PPP1R9A: variants seen among roughly 807,000 people sequenced by gnomAD.
PPP1R9A encodes the protein protein phosphatase 1 regulatory subunit 9A, also known as neurabin-1.
Under a neutral mutation model 141.9 loss-of-function variants are expected in PPP1R9A, and 59 were observed. The ratio of observed to expected loss-of-function variants is 0.42; its 90% CI spans 0.34 to 0.52. The LOEUF is 0.52. PPP1R9A is among the 20% of genes least tolerant of loss of function. PPP1R9A has a pLI of 0.10. For synonymous variants in PPP1R9A, 500 were observed against 569.7 expected, an observed-to-expected ratio of 0.88 and a Z score of 1.74; for missense variants, 1,444 against 1,611.9, an observed-to-expected ratio of 0.90 and a Z score of 1.78.
At chr7:95,215,920 G>A (rs1185350766) in intron 7 of PPP1R9A, among the ~76,000 whole-genome samples, 1 of 152,116 alleles carries the variant, frequency 6.6e-6, no homozygotes, top group Non-Finnish European at 1.5e-5. Flanking sequence ...CATTCTGTAG[G>A]TTGCCTGTTC....
rs1021289735 is a variant in PPP1R9A, at chr7:95,292,065, C to G, written c.*1762C>G. 9 of 152,150 alleles carry G rather than the reference C, an allele frequency of 5.9e-5. No individual in the cohort carries two copies. Among genetic ancestry groups the G allele is most frequent in the African/African-American group, 2.2e-4 (9 of 41,442 alleles). The allele number at this position is 152,150 out of a possible 1,614,324, so 9.4% of individuals were successfully genotyped here. A position where few individuals can be genotyped will look rare whatever the true frequency, so the allele number is the denominator to read the frequency against. On this transcript the variant is annotated 3_prime_UTR_variant, in exon 20 of 20. Coordinates refer to ENST00000433360, the MANE Select transcript of PPP1R9A (RefSeq NM_001166160.2). ...GCTCTTTTGTCATTAGGTACAGACC[C>G]TTCATTCAATCCTCAGAAACGTTGA...
chr7:95,216,591 T>C (rs1040176437), intron 7 of PPP1R9A, among the ~76,000 whole-genome samples: 13 of 152,190 alleles, frequency 8.5e-5, no homozygotes, highest in African/African-American at 3.1e-4. Flanking sequence ...ATTCTACCTA[T>C]CCATGAGCAT....
At chr7:94,954,544 T>C (rs1796858873) in intron 2 of PPP1R9A, among the ~76,000 whole-genome samples, 1 of 151,960 alleles carries the variant, frequency 6.6e-6, no homozygotes, top group Admixed American at 6.6e-5. Flanking sequence ...GTCCTTATTT[T>C]TTAAGAATGT....
chr7:94,907,398 AGC>A (rs1790876456), upstream of PPP1R9A: 2 of 152,590 alleles, frequency 1.3e-5, no homozygotes, highest in East Asian at 3.9e-4. Flanking sequence ...CTTCCAGGTC[AGC>A]AGAGTGGCCT....
chr7:95,078,692 T>C (rs1815267390), intron 2 of PPP1R9A, among the ~76,000 whole-genome samples: 1 of 152,072 alleles, frequency 6.6e-6, no homozygotes, highest in Non-Finnish European at 1.5e-5. Context: ...TGAGATGCTA[T>C]CTCATTGTGG....
intron 4 of PPP1R9A, among the ~76,000 whole-genome samples, chr7:95,153,853 A>G (rs1265972458): frequency 6.6e-6 from 1 of 152,072 alleles, no homozygotes; most frequent in East Asian, 1.9e-4. Flanking sequence ...TTTCTTCCTG[A>G]TTCACTCTCA....
In PPP1R9A at chr7:95,284,174, G is replaced by T; in HGVS notation, c.3453G>T (p.Gln1151His). The change falls in exon 17 of 20, where the codon CAG (glutamine) becomes CAT (histidine). Residue 1151 changes from glutamine (Q) to histidine (H), a missense_variant. Around this residue, in one of 5 missense-constraint regions of PPP1R9A, gnomAD observed 459 missense variants for 513.8 expected, o/e 0.89. Transcript: ENST00000433360. Reference sequence around the variant, plus strand: ...TGCCTGCGCCTACAAGTTCCCTTCAGCCTTCTCCTGAGACTCTAATTTCAG... The same window carrying T: ...TGCCTGCGCCTACAAGTTCCCTTCATCCTTCTCCTGAGACTCTAATTTCAG... ...RNLPAPTSSL[Q>H]PSPETLISDK... is the part of the protein sequence containing the mutation. The T allele has an allele frequency of 6.3e-7, 1 of 1,586,586 alleles. No homozygotes were observed. Among genetic ancestry groups the T allele is most frequent in the African/African-American group, 1.3e-5 (1 of 74,720 alleles).
rs1167382285 is a variant in PPP1R9A, at chr7:95,151,941, C to CTTTTTTTTTTTTTTTTTTTT, written c.1650-9916_1650-9897dup. ...AATGTCAGCACATAGTACTGAGAAT[C>CTTTTTTTTTTTTTTTTTTTT]TTTTTTTTTTTTTTTTTTTTTTTTT... is the stretch of plus-strand genomic sequence containing the variant. On this transcript the variant is annotated intron_variant, in intron 4 of 19. Transcript: ENST00000433360. Among the ~76,000 whole-genome samples the CTTTTTTTTTTTTTTTTTTTT allele has an allele frequency of 9.2e-5, 5 of 54,462 alleles. 2 individuals carry two copies. The highest frequency in any genetic ancestry group is 6.0e-4 in the Admixed American group (2 of 3,320). The allele number at this position is 54,462 out of a possible 152,430, so 35.7% of individuals were successfully genotyped here.
chr7:95,280,024 G>A (rs1189383602), intron 16 of PPP1R9A, among the ~76,000 whole-genome samples: 7 of 152,092 alleles, frequency 4.6e-5, no homozygotes, highest in Admixed American at 2.0e-4. Flanking sequence ...TTATTGATTA[G>A]ATCAGAACTC....
chr7:95,272,509 G>A (rs1192441875), intron 14 of PPP1R9A, among the ~76,000 whole-genome samples: 2 of 152,104 alleles, frequency 1.3e-5, no homozygotes, highest in African/African-American at 4.8e-5. Flanking sequence ...GTGGATTTTT[G>A]ACACAGACAT....
At chr7:94,934,093 G>C (rs1794478295) in intron 2 of PPP1R9A, among the ~76,000 whole-genome samples, 1 of 152,136 alleles carries the variant, frequency 6.6e-6, no homozygotes, top group African/African-American at 2.4e-5. Context: ...TAACAGATGA[G>C]GAACCAGAGG....
chr7:95,092,015 T>G (rs564343741), intron 2 of PPP1R9A, among the ~76,000 whole-genome samples: 1 of 152,302 alleles, frequency 6.6e-6, no homozygotes, highest in Admixed American at 6.5e-5. Flanking sequence ...ATGAGACACC[T>G]ATCCCAGAAG....
intron 2 of PPP1R9A, among the ~76,000 whole-genome samples, chr7:94,945,831 T>G (rs1431691097): frequency 6.6e-6 from 1 of 152,076 alleles, no homozygotes; most frequent in Non-Finnish European, 1.5e-5. Context: ...GTATAGAGTT[T>G]AATTCTTGGA....
At chr7:95,246,703 T>C (rs1249953797) in intron 8 of PPP1R9A, among the ~76,000 whole-genome samples, 1 of 152,208 alleles carries the variant, frequency 6.6e-6, no homozygotes, top group Non-Finnish European at 1.5e-5. Context: ...AAGTTGTTTT[T>C]CTTAAATTTG....
At chr7:95,219,817 C>G (rs1040770876) in intron 7 of PPP1R9A, among the ~76,000 whole-genome samples, 1 of 152,072 alleles carries the variant, frequency 6.6e-6, no homozygotes, top group South Asian at 2.1e-4. Context: ...AAATGACTTA[C>G]TTACTGTTAT....
chr7:95,055,385 C>A (rs1237272627), intron 2 of PPP1R9A, among the ~76,000 whole-genome samples: 1 of 150,214 alleles, frequency 6.7e-6, no homozygotes, highest in African/African-American at 2.5e-5. Context: ...TTCTTTTGTT[C>A]TTGATATGGA....
intron 2 of PPP1R9A, among the ~76,000 whole-genome samples, chr7:94,969,894 G>C (rs901750494): frequency 1.4e-4 from 22 of 152,270 alleles, no homozygotes; most frequent in African/African-American, 5.1e-4. Flanking sequence ...CCTTTGCTGA[G>C]CTGTGTTGGG....
chr7:95,254,734 A>G (rs1290673542), intron 12 of PPP1R9A, among the ~76,000 whole-genome samples: 1 of 152,190 alleles, frequency 6.6e-6, no homozygotes, highest in Non-Finnish European at 1.5e-5. Flanking sequence ...GAAGAAAGGA[A>G]GAGCCTCTGA....
chr7:95,279,691 G>A (rs970127938), intron 16 of PPP1R9A, among the ~76,000 whole-genome samples: 1 of 152,122 alleles, frequency 6.6e-6, no homozygotes, highest in Admixed American at 6.5e-5. Flanking sequence ...TTATCAAAGT[G>A]CTTAATATAT....
Sources: gnomAD v4.1 joint callset for allele counts (sites outside exome capture counted in the v4.1 genomes callset) on GRCh38, gnomAD v4.1.1 for gene constraint, gnomAD v4.1.1 regional missense constraint, MANE v1.5 for transcripts, NCBI Gene and HGNC (gene_info 2026-07-23, HGNC 2026-07-21) for gene names.